The following PRRG1 variants were observed in gnomAD, a reference collection of about 807,000 sequenced individuals.
PRRG1 encodes the protein transmembrane gamma-carboxyglutamic acid protein 1.
PRRG1 carries 5 observed loss-of-function variants against 11.8 expected under a neutral mutation model. That is an observed-to-expected ratio of 0.42 (90% confidence interval 0.22 to 0.89). PRRG1 has a LOEUF of 0.89. PRRG1 is among the 40% of genes least tolerant of loss of function. The pLI is 0.28. For synonymous variants in PRRG1, 66 were observed against 60.4 expected (o/e 1.09, Z -0.43); for missense variants, 155 against 166.1 (o/e 0.93, Z 0.37).
At chrX:37,352,944 C>T (rs188954024) in intron 1 of PRRG1, among the ~76,000 whole-genome samples, 97 of 111,918 alleles carry the variant, frequency 8.7e-4, no homozygotes, top group Non-Finnish European at 2.4e-4. Context: ...CAGTATATAA[C>T]ACTTGATAAT....
At chrX:37,444,668 A>G (rs1556394708) in intron 3 of PRRG1, among the ~76,000 whole-genome samples, 1 of 111,225 alleles carries the variant, frequency 9.0e-6, no homozygotes, top group African/African-American at 3.3e-5. Flanking sequence ...CTTTGGGGGA[A>G]AGACTTCACT....
chrX:37,433,032 A>G (rs1263687951), intron 3 of PRRG1, among the ~76,000 whole-genome samples: 2 of 111,352 alleles, frequency 1.8e-5, no homozygotes, highest in Admixed American at 1.9e-4. Flanking sequence ...ATGAAAATAT[A>G]CTCGGAATCT....
intron 1 of PRRG1, among the ~76,000 whole-genome samples, chrX:37,376,827 G>A (rs1930978836): frequency 1.9e-5 from 2 of 107,082 alleles, no homozygotes; most frequent in South Asian, 4.1e-4. Flanking sequence ...GAGGCTATGA[G>A]CAACCTATAT....
chrX:37,398,887 G>A (rs1396660783), intron 1 of PRRG1, among the ~76,000 whole-genome samples: 1 of 111,173 alleles, frequency 9.0e-6, no homozygotes, highest in Non-Finnish European at 1.9e-5. Context: ...ATCAGTGATG[G>A]AAGATGAAAT....
intron 1 of PRRG1, among the ~76,000 whole-genome samples, chrX:37,398,739 T>A (rs1556379118): frequency 1.8e-5 from 2 of 110,893 alleles, no homozygotes; most frequent in South Asian, 3.8e-4. Context: ...TTGAAAAAAA[T>A]TTAGACGAAT....
At chrX:37,429,065 C>T in intron 3 of PRRG1, among the ~76,000 whole-genome samples, 1 of 112,378 alleles carries the variant, frequency 8.9e-6, no homozygotes, top group East Asian at 2.8e-4. Flanking sequence ...AGGCTGCACA[C>T]AGCATGGGGA....
chrX:37,424,990 G>T (rs1404214915), intron 2 of PRRG1, among the ~76,000 whole-genome samples: 1 of 111,228 alleles, frequency 9.0e-6, no homozygotes, highest in Admixed American at 9.6e-5. Context: ...TGCATTAACG[G>T]AGATGAAATT....
chrX:37,432,093 T>G (rs1302373982), intron 3 of PRRG1, among the ~76,000 whole-genome samples: 1 of 68,609 alleles, frequency 1.5e-5, no homozygotes, highest in African/African-American at 1.0e-4. Flanking sequence ...GTGAACAATG[T>G]TTTTTTTTTT....
At chrX:37,377,472 G>C (rs1311982262) in intron 1 of PRRG1, among the ~76,000 whole-genome samples, 1 of 111,660 alleles carries the variant, frequency 9.0e-6, no homozygotes, top group African/African-American at 3.2e-5. Flanking sequence ...CTAATATTGG[G>C]GTTAAGATGT....
chrX:37,355,506 G>A (rs1930209157), intron 1 of PRRG1, among the ~76,000 whole-genome samples: 2 of 111,854 alleles, frequency 1.8e-5, no homozygotes, highest in Admixed American at 1.9e-4. Context: ...CAAGAAAATG[G>A]GAATATGTAA....
intron 1 of PRRG1, among the ~76,000 whole-genome samples, chrX:37,383,911 A>G (rs1931233677): frequency 9.0e-6 from 1 of 110,650 alleles, no homozygotes; most frequent in Non-Finnish European, 1.9e-5. Flanking sequence ...GTCCAGCAAA[A>G]TTAACTTTTT....
chrX:37,442,221 G>A, intron 3 of PRRG1: 1 of 753,215 alleles, frequency 1.3e-6, no homozygotes, highest in Non-Finnish European at 1.6e-6. Flanking sequence ...TGTTCTCAAA[G>A]CAATAAAGGT....
chrX:37,400,075 A>G (rs1931906050), intron 1 of PRRG1, among the ~76,000 whole-genome samples: 1 of 111,469 alleles, frequency 9.0e-6, no homozygotes, highest in Non-Finnish European at 1.9e-5. Flanking sequence ...CAGATCAACG[A>G]GACAGAAAGT....
At chrX:37,436,204 T>C (rs1556391946) in intron 3 of PRRG1, among the ~76,000 whole-genome samples, 2 of 111,431 alleles carry the variant, frequency 1.8e-5, no homozygotes, top group Non-Finnish European at 3.8e-5. Context: ...CTCTTTTGTC[T>C]GGGTGCATCA....
At chrX:37,421,073 A>G (rs1344395988) in intron 2 of PRRG1, among the ~76,000 whole-genome samples, 2 of 111,000 alleles carry the variant, frequency 1.8e-5, no homozygotes, top group African/African-American at 6.6e-5. Context: ...GTCATCTGCT[A>G]CCCATCTTTG....
chrX:37,385,282 A>G (rs1441776910), intron 1 of PRRG1, among the ~76,000 whole-genome samples: 2 of 110,648 alleles, frequency 1.8e-5, no homozygotes, highest in Middle Eastern at 4.2e-3. Context: ...AACACACAAA[A>G]CGTGTAATAA....
At chrX:37,368,168 A>G (rs1930641011) in intron 1 of PRRG1, among the ~76,000 whole-genome samples, 1 of 112,031 alleles carries the variant, frequency 8.9e-6, no homozygotes, top group South Asian at 3.7e-4. Flanking sequence ...TACTGGATGT[A>G]TTGTTCTATG....
intron 1 of PRRG1, among the ~76,000 whole-genome samples, chrX:37,377,059 C>T (rs1432136638): frequency 6.3e-5 from 7 of 110,596 alleles, no homozygotes; most frequent in South Asian, 7.7e-4. Context: ...TAAGTGTGAA[C>T]GTTTTGTTTA....
chrX:37,353,773 G>A (rs1601964952), intron 1 of PRRG1, among the ~76,000 whole-genome samples: 1 of 112,555 alleles, frequency 8.9e-6, no homozygotes, highest in East Asian at 2.8e-4. Flanking sequence ...TTGCTTAGGT[G>A]TGTAGTAAGC....
Sources: allele counts gnomAD v4.1 joint callset (sites outside exome capture counted in the v4.1 genomes callset), GRCh38; gene constraint gnomAD v4.1.1; transcripts MANE v1.5; gene names NCBI Gene and HGNC (gene_info 2026-07-23, HGNC 2026-07-21).